Variants in SLC13A2 observed in about 807,000 individuals in gnomAD.
SLC13A2 encodes solute carrier family 13 member 2.
SLC13A2 carries 40 observed loss-of-function variants against 58.5 expected under a neutral mutation model. The ratio of observed to expected loss-of-function variants is 0.68; its 90% CI spans 0.53 to 0.89. The LOEUF is 0.89. Ranked by LOEUF, SLC13A2 falls within the 40% of genes least tolerant of loss-of-function variation. The pLI is 0.00. For synonymous variants in SLC13A2, 341 were observed against 331.6 expected, an observed-to-expected ratio of 1.03 and a Z score of -0.31; for missense variants, 694 against 772.6, an observed-to-expected ratio of 0.90 and a Z score of 1.21.
intron 6 of SLC13A2, 27 bp from the exon 7 acceptor site, chr17:28,493,544 C>T (rs373289318): frequency 3.6e-5 from 56 of 1,563,024 alleles, no homozygotes; most frequent in Middle Eastern, 3.5e-4. Context: ...AGGCCCCCCA[C>T]GAGCTGCCCC....
chr17:28,488,481 G>A (rs1297724537), intron 1 of SLC13A2, among the ~76,000 whole-genome samples: 1 of 152,170 alleles, frequency 6.6e-6, no homozygotes. Context: ...TAAGGGGGGT[G>A]GGCCTCCATT....
intron 1 of SLC13A2, among the ~76,000 whole-genome samples, chr17:28,484,942 G>A (rs2068849783): frequency 6.6e-6 from 1 of 152,130 alleles, no homozygotes; most frequent in Non-Finnish European, 1.5e-5. Flanking sequence ...TGACTTCCTT[G>A]GGGGTGGGGG....
chr17:28,475,427 T>A (rs1555599728), intron 1 of SLC13A2, among the ~76,000 whole-genome samples: 1 of 152,174 alleles, frequency 6.6e-6, no homozygotes, highest in African/African-American at 2.4e-5. Flanking sequence ...TCCTACAAGA[T>A]AAATATTTCC....
chr17:28,491,279 T>A (rs575323724), intron 4 of SLC13A2, among the ~76,000 whole-genome samples, 158 bp from the exon 5 acceptor site: 8 of 152,276 alleles, frequency 5.3e-5, no homozygotes, highest in African/African-American at 1.9e-4. Flanking sequence ...CTCTGGGGAA[T>A]GCTGGGCCCC....
Position 28,495,592 on chromosome 17 carries a change from C to T in SLC13A2, c.1309-63C>T, listed in dbSNP as rs11568478. 20 of 1,533,760 alleles carry T rather than the reference C, an allele frequency of 1.3e-5. No individual in the cohort carries two copies. The African/African-American group carries it at 2.6e-4, about 20-fold the overall frequency. On this transcript the variant is annotated intron_variant, in intron 9 of 11. Transcript: ENST00000314669. ...CAGGAGCAGGAGCCTCATAGAGCCT[C>T]GGCAGAAGACTTGGGGGCCCAGGCA... is the stretch of plus-strand genomic sequence containing the variant.
At chr17:28,480,162 A>C (rs1555600800) in intron 1 of SLC13A2, among the ~76,000 whole-genome samples, 1 of 151,150 alleles carries the variant, frequency 6.6e-6, no homozygotes, top group African/African-American at 2.4e-5. Context: ...TCAAAAAAAA[A>C]AAAAAGGGGG....
chr17:28,473,868 G>C (rs1436149497), intron 1 of SLC13A2, 54 bp downstream of exon 1: 19 of 1,505,316 alleles, frequency 1.3e-5, no homozygotes, highest in Middle Eastern at 3.4e-4. Context: ...AGGAGGGACT[G>C]TCTGGGCCGG....
chr17:28,485,993 TA>T (rs1376354402), intron 1 of SLC13A2, among the ~76,000 whole-genome samples: 1 of 152,054 alleles, frequency 6.6e-6, no homozygotes, highest in African/African-American at 2.4e-5. Flanking sequence ...ACCCTGTCTT[TA>T]AAAAAAATTT....
Position 28,494,075 on chromosome 17 carries a change from T to C in SLC13A2, c.1156T>C (p.Ser386Pro). 1 of 1,613,506 alleles carries C rather than the reference T, an allele frequency of 6.2e-7. No individual in the cohort carries two copies. The highest frequency in any genetic ancestry group is 8.5e-7 in the Non-Finnish European group (1 of 1,179,742). Residue 386 changes from serine to proline, a missense_variant, in exon 8 of 12, where the codon TCC becomes CCC. Coordinates refer to ENST00000314669, the MANE Select transcript of SLC13A2 (RefSeq NM_003984.4). This position sits in a 1 kb window ranked among gnomAD's most constrained non-coding sequence, Gnocchi z 4.0. ...CGGCATAATTATGTTCATCATACCC[T>C]CCAAGTTCCCAGGGCTGACCCAGGA... ...FIGIIMFIIP[S>P]KFPGLTQDPE... is the part of the protein sequence containing the mutation.
At position 28,496,540 on chromosome 17, in the gene SLC13A2, C is replaced by T; in HGVS notation, c.1561C>T (p.Pro521Ser). The change falls in exon 11 of 12, where the codon CCC (proline) becomes TCC (serine). Residue 521 changes from proline to serine, a missense_variant. Physicochemically the swap from Pro to Ser is moderately conservative, Grantham distance 74. Coordinates refer to ENST00000314669, the MANE Select transcript of SLC13A2 (RefSeq NM_003984.4). The surrounding 1 kb of genome is among the most constrained non-coding windows in gnomAD (Gnocchi z 4.2). ...CTTCATGTTGCCTGTGGCCACCCCG[C>T]CCAATGCCATCGTCTTCTCTTTCGG... Reference protein sequence around the residue: ...LAFMLPVATPPNAIVFSFGDL... With the variant: ...LAFMLPVATPSNAIVFSFGDL... 1 of 1,613,786 alleles carries T rather than the reference C, an allele frequency of 6.2e-7. No homozygotes were observed. Among genetic ancestry groups the T allele is most frequent in the Non-Finnish European group, 8.5e-7 (1 of 1,179,816 alleles).
Position 28,473,810 on chromosome 17 carries a change from G to C in SLC13A2, c.98G>C (p.Ser33Thr). 1 of 1,613,898 alleles carries C rather than the reference G, an allele frequency of 6.2e-7. No homozygotes were observed. Among genetic ancestry groups the C allele is most frequent in the Non-Finnish European group, 8.5e-7 (1 of 1,179,840 alleles). ...LLLPLPILVP[S>T]KEAYCAYAII... ...CTGCCTCTGCCCATCCTCGTCCCCA[G>C]TAAGGTAAGGACTTGGTGTTCTGAG... Residue 33 changes from serine to threonine, a missense_variant, in exon 1 of 12, where the codon AGT (serine) becomes ACT (threonine). Transcript: ENST00000314669.
At chr17:28,487,602 G>A (rs932792582) in intron 1 of SLC13A2, 6 of 985,128 alleles carry the variant, frequency 6.1e-6, no homozygotes, top group African/African-American at 1.7e-5. Context: ...AGTTCTGGGT[G>A]GACAGGGTGG....
intron 1 of SLC13A2, among the ~76,000 whole-genome samples, chr17:28,479,788 T>C (rs562787529): frequency 1.3e-5 from 2 of 152,160 alleles, no homozygotes; most frequent in African/African-American, 4.8e-5. Context: ...GGGAGGCCAG[T>C]GCAGGAGGGT....
chr17:28,493,536 G>GC (rs782716507), intron 6 of SLC13A2, 35 bp from the exon 7 acceptor site: 5 of 1,545,184 alleles, frequency 3.2e-6, no homozygotes, highest in African/African-American at 2.7e-5. Context: ...GCTGGAGCAG[G>GC]CCCCCCACGA....
intron 1 of SLC13A2, among the ~76,000 whole-genome samples, chr17:28,475,466 C>T (rs553516613): frequency 6.6e-6 from 1 of 152,342 alleles, no homozygotes; most frequent in Admixed American, 6.5e-5. Flanking sequence ...CATCCACATA[C>T]GGAGGTGCTG....
chr17:28,490,757 C>A lies in SLC13A2; in HGVS notation c.425C>A (p.Thr142Lys). 6.2e-7 allele frequency: 1 copy of A among 1,614,168 alleles called. No homozygotes were observed. Among genetic ancestry groups the A allele is most frequent in the South Asian group, 1.1e-5 (1 of 91,074 alleles). The change falls in exon 4 of 12, where the codon ACG (threonine) becomes AAG (lysine). Residue 142 changes from threonine to lysine, a missense_variant. Coordinates refer to ENST00000314669, the MANE Select transcript of SLC13A2 (RefSeq NM_003984.4). ...TAFLSMWISN[T>K]ATSAMMVPIA... ...TTCCTGTCCATGTGGATCAGCAACACGGCCACCTCAGCCATGATGGTGCCC... is the reference window on the plus strand; with the variant it reads ...TTCCTGTCCATGTGGATCAGCAACAAGGCCACCTCAGCCATGATGGTGCCC...
Position 28,496,460 on chromosome 17 carries a change from T to A in SLC13A2, c.1481T>A (p.Ile494Asn). The A allele has an allele frequency of 1.9e-6, 3 of 1,603,624 alleles. No individual in the cohort carries two copies. The highest frequency in any genetic ancestry group is 2.7e-5 in the African/African-American group (2 of 74,722). ...TGCCTCCCACTCCAGGCCCAGGCCA[T>A]CTGCCTCCACCCTCTCTACGTCATG... is the stretch of plus-strand genomic sequence containing the variant. ...LPILASMAQA[I>N]CLHPLYVMLP... Residue 494 changes from isoleucine to asparagine, a missense_variant, in exon 11 of 12, where the codon ATC (isoleucine) becomes AAC (asparagine). Physicochemically the swap from Ile to Asn is moderately radical, Grantham distance 149. Transcript: ENST00000314669. This position sits in a 1 kb window ranked among gnomAD's most constrained non-coding sequence, Gnocchi z 4.2.
At chr17:28,487,938 G>C (rs1417097554) in intron 1 of SLC13A2, among the ~76,000 whole-genome samples, 3 of 152,128 alleles carry the variant, frequency 2.0e-5, no homozygotes, top group Non-Finnish European at 4.4e-5. Flanking sequence ...AGTGCTCTTA[G>C]GTAGTGCTTG....
Position 28,494,021 on chromosome 17 carries a change from G to A in SLC13A2, c.1102G>A (p.Val368Met), listed in dbSNP as rs781868306. The A allele has an allele frequency of 1.1e-5, 17 of 1,614,022 alleles. No homozygotes were observed. Among genetic ancestry groups the A allele is most frequent in the Non-Finnish European group, 1.4e-5 (17 of 1,179,952 alleles). ...CCGCGCCCCCTCCACCAACAGCATG[G>A]TGTCCGATGGGACAGTGGCCATCTT... The part of the protein sequence containing the change: ...AFPNAKGESM[V>M]SDGTVAIFIG... The change falls in exon 8 of 12, where the codon GTG becomes ATG. Residue 368 changes from valine (V) to methionine (M), a missense_variant. By Grantham distance (21) the Val-to-Met change is conservative. Coordinates refer to ENST00000314669, the MANE Select transcript of SLC13A2 (RefSeq NM_003984.4). This position sits in a 1 kb window ranked among gnomAD's most constrained non-coding sequence, Gnocchi z 4.0.
Sources: allele counts gnomAD v4.1 joint callset (sites outside exome capture counted in the v4.1 genomes callset), GRCh38; gene constraint gnomAD v4.1.1; non-coding constraint Gnocchi (gnomAD v3.1); transcripts MANE v1.5; gene names NCBI Gene and HGNC (gene_info 2026-07-23, HGNC 2026-07-21).